DIAPH2: variants seen among roughly 807,000 people sequenced by gnomAD.
DIAPH2 encodes the protein diaphanous related formin 2.
DIAPH2 carries 35 observed loss-of-function variants against 92.7 expected under a neutral mutation model. The observed-to-expected ratio is 0.38, with a 90% CI of 0.29 to 0.50. The LOEUF (loss-of-function observed/expected upper bound fraction) is 0.50. Among genes scored for constraint, DIAPH2 ranks in the 20% least tolerant of loss-of-function variants. DIAPH2 has a pLI of 0.94. For synonymous variants in DIAPH2, 301 were observed against 280.4 expected (o/e 1.07, Z -0.73); for missense variants, 701 against 819.5 (o/e 0.86, Z 1.77).
chrX:96,965,865 A>T (rs1166070033), intron 17 of DIAPH2, among the ~76,000 whole-genome samples: 1 of 111,142 alleles, frequency 9.0e-6, no homozygotes, highest in African/African-American at 3.3e-5. Context: ...TGGTTCATTA[A>T]TTTTTGGTAT....
chrX:97,016,267 T>C (rs1339350686), intron 17 of DIAPH2, among the ~76,000 whole-genome samples: 1 of 111,992 alleles, frequency 8.9e-6, no homozygotes, highest in Admixed American at 9.5e-5. Context: ...TAAGGCTAAA[T>C]TGTTCCCATT....
chrX:97,170,649 A>G (rs892791453), intron 22 of DIAPH2, among the ~76,000 whole-genome samples: 9 of 111,335 alleles, frequency 8.1e-5, no homozygotes, highest in Non-Finnish European at 1.5e-4. Context: ...CTTTAAATAC[A>G]TTGCTTTTTA....
At position 97,113,208 on chromosome X, in the gene DIAPH2, G is replaced by A. The variant is rs371349834; in HGVS notation, c.2350-1518G>A. On this transcript the variant is annotated intron_variant, in intron 20 of 26. Transcript: ENST00000324765. ...TTCATTAATCACTGTAATCATAAGA[G>A]TTTAAAGTTTTTTCTTCTTCCAGTG... 1.0e-3 allele frequency among the ~76,000 whole-genome samples: 111 copies of A among 111,499 alleles called. 4 individuals carry two copies. The South Asian group carries it at 0.04, about 40-fold the overall frequency.
chrX:96,943,923 G>A (rs762069006), intron 13 of DIAPH2, among the ~76,000 whole-genome samples: 7 of 111,235 alleles, frequency 6.3e-5, no homozygotes, highest in Non-Finnish European at 9.5e-5. Flanking sequence ...ACTTCTCTAG[G>A]TTTTAGTTTC....
At chrX:97,292,622 C>G (rs1327096302) in intron 23 of DIAPH2, among the ~76,000 whole-genome samples, 2 of 106,686 alleles carry the variant, frequency 1.9e-5, no homozygotes, top group Admixed American at 1.0e-4. Flanking sequence ...TCTTGGCTCA[C>G]TGCAACCTCC....
intron 11 of DIAPH2, among the ~76,000 whole-genome samples, chrX:96,938,357 T>C (rs1459790195): frequency 8.9e-6 from 1 of 111,795 alleles, no homozygotes; most frequent in East Asian, 2.8e-4. Flanking sequence ...CTGTGGCTTC[T>C]ATAATATTAA....
intron 17 of DIAPH2, among the ~76,000 whole-genome samples, chrX:97,040,221 T>C (rs1423720436): frequency 9.3e-6 from 1 of 107,454 alleles, no homozygotes; most frequent in Non-Finnish European, 1.9e-5. Context: ...TGGTAGTCTC[T>C]CTAAGGCATT....
Position 96,830,343 on chromosome X carries a change from G to A in DIAPH2, c.448-51236G>A, listed in dbSNP as rs1282213238. ...TCCCAGCACTTTGGGAGGCCGAGGC[G>A]GGTGGATCACGAGGTCAGGAGATCG... On this transcript the variant is annotated intron_variant, in intron 4 of 26. Coordinates refer to ENST00000324765, the MANE Select transcript of DIAPH2 (RefSeq NM_006729.5). Among the ~76,000 whole-genome samples the A allele has an allele frequency of 5.5e-5, 6 of 109,835 alleles. No homozygotes were observed. In the East Asian group the frequency reaches 1.4e-3, roughly 26 times the overall value.
chrX:97,142,073 G>A (rs757115504), intron 22 of DIAPH2, among the ~76,000 whole-genome samples: 87 of 111,544 alleles, frequency 7.8e-4, no homozygotes, highest in African/African-American at 2.8e-3. Flanking sequence ...AAACATTTAA[G>A]TGGATATTGT....
chrX:97,201,033 G>T (rs1289185606), intron 22 of DIAPH2, among the ~76,000 whole-genome samples: 1 of 110,280 alleles, frequency 9.1e-6, no homozygotes, highest in Non-Finnish European at 1.9e-5. Flanking sequence ...GGTGAACAGG[G>T]TCTGGAGTGG....
intron 22 of DIAPH2, among the ~76,000 whole-genome samples, chrX:97,237,883 C>CA (rs2068061878): frequency 8.9e-6 from 1 of 112,165 alleles, no homozygotes; most frequent in South Asian, 3.7e-4. Flanking sequence ...GCCCGGCCCG[C>CA]AAAAAAAGAT....
At chrX:97,145,183 A>T (rs1424936999) in intron 22 of DIAPH2, among the ~76,000 whole-genome samples, 2 of 111,465 alleles carry the variant, frequency 1.8e-5, no homozygotes, top group African/African-American at 6.5e-5. Context: ...TAACAGTGAG[A>T]TTAAATTAGT....
At chrX:97,214,122 A>G (rs774571749) in intron 22 of DIAPH2, among the ~76,000 whole-genome samples, 3 of 112,392 alleles carry the variant, frequency 2.7e-5, no homozygotes, top group African/African-American at 9.7e-5. Flanking sequence ...AGGGGCATAA[A>G]ATCAAATCGC....
intron 17 of DIAPH2, among the ~76,000 whole-genome samples, chrX:97,005,908 C>CTTTTTTTTTTTTTTTTTTTTTTTT (rs58056111): frequency 1.5e-5 from 1 of 68,165 alleles, no homozygotes; most frequent in African/African-American, 5.9e-5. Flanking sequence ...TGAAGTTTTT[C>CTTTTTTTTTTTTTTTTTTTTTTTT]TTTTTTTTTT....
chrX:96,879,557 G>A (rs779206648), intron 4 of DIAPH2, among the ~76,000 whole-genome samples: 1 of 111,064 alleles, frequency 9.0e-6, no homozygotes, highest in Non-Finnish European at 1.9e-5. Flanking sequence ...TGAGTTGGCC[G>A]AGCAAAAATA....
At position 97,135,954 on chromosome X, in the gene DIAPH2, A is replaced by C. The variant is rs1294708841; in HGVS notation, c.2590-5711A>C. ...AGTAAATGGGTAGAAATCTTCACCC[A>C]TTTGTGCAGTCAGGAGGAACATAAG... is the stretch of plus-strand genomic sequence containing the variant. On this transcript the variant is annotated intron_variant, in intron 21 of 26. Transcript: ENST00000324765. 3.6e-5 allele frequency among the ~76,000 whole-genome samples: 4 copies of C among 111,820 alleles called. No individual in the cohort carries two copies. In the Admixed American group the frequency reaches 3.8e-4, roughly 11 times the overall value.
intron 23 of DIAPH2, among the ~76,000 whole-genome samples, chrX:97,334,896 C>T (rs1252736640): frequency 3.0e-5 from 3 of 101,589 alleles, no homozygotes; most frequent in Non-Finnish European, 5.9e-5. Flanking sequence ...CAGGAGAATC[C>T]CGTGAATCTG....
At chrX:96,960,915 T>C (rs2065843087) in intron 16 of DIAPH2, among the ~76,000 whole-genome samples, 1 of 112,220 alleles carries the variant, frequency 8.9e-6, no homozygotes, top group Non-Finnish European at 1.9e-5. Flanking sequence ...GAATGGCATA[T>C]GTTAAACAAT....
chrX:97,233,758 G>A (rs1019126858), intron 22 of DIAPH2, among the ~76,000 whole-genome samples: 28 of 111,768 alleles, frequency 2.5e-4, no homozygotes, highest in African/African-American at 8.1e-4. Flanking sequence ...GTTTCTGCAT[G>A]TGTCTGTTGC....
Sources: allele counts gnomAD v4.1 joint callset (sites outside exome capture counted in the v4.1 genomes callset), GRCh38; gene constraint gnomAD v4.1.1; transcripts MANE v1.5; gene names NCBI Gene and HGNC (gene_info 2026-07-23, HGNC 2026-07-21).